VTI1A: variants seen among roughly 807,000 people sequenced by gnomAD.
The protein encoded by VTI1A is vesicle transport through interaction with t-SNAREs 1A.
In VTI1A, 22 loss-of-function variants were observed where a neutral mutation model predicts 34.9. The observed-to-expected ratio is 0.63, with a 90% CI of 0.45 to 0.90. VTI1A has a LOEUF of 0.90. VTI1A is among the 40% of genes least tolerant of loss of function. The probability of loss-of-function intolerance (pLI) is 0.00; values close to 1 mark genes in which losing one functional copy is unlikely to be tolerated. For missense variants in VTI1A, 268 were observed against 275.6 expected, an observed-to-expected ratio of 0.97 and a Z score of 0.20; for synonymous variants, 87 against 97.3, an observed-to-expected ratio of 0.89 and a Z score of 0.62.
At chr10:112,526,420 A>G (rs1222877174) in intron 3 of VTI1A, among the ~76,000 whole-genome samples, 1 of 152,154 alleles carries the variant, frequency 6.6e-6, no homozygotes, top group Non-Finnish European at 1.5e-5. Context: ...TTTACCAGAC[A>G]CACACATGTA....
At chr10:112,700,677 T>C (rs1848979597) in intron 7 of VTI1A, among the ~76,000 whole-genome samples, 1 of 152,182 alleles carries the variant, frequency 6.6e-6, no homozygotes, top group African/African-American at 2.4e-5. Flanking sequence ...AGACAAACCA[T>C]AGCTATTGTA....
At chr10:112,539,520 G>T (rs572778274) in intron 5 of VTI1A, among the ~76,000 whole-genome samples, 19 of 152,292 alleles carry the variant, frequency 1.2e-4, no homozygotes, top group African/African-American at 4.1e-4. Flanking sequence ...TTGGCTTTCT[G>T]CCCGGATTGG....
intron 7 of VTI1A, among the ~76,000 whole-genome samples, chr10:112,796,578 A>G (rs996902730): frequency 6.6e-6 from 1 of 152,076 alleles, no homozygotes; most frequent in Admixed American, 6.5e-5. Flanking sequence ...CTCTCATATA[A>G]AAGAGGTTCT....
At chr10:112,669,079 T>C (rs981736815) in intron 7 of VTI1A, 81 bp downstream of exon 7, 1 of 1,512,344 alleles carries the variant, frequency 6.6e-7, no homozygotes, top group East Asian at 2.3e-5. Context: ...CAATGGGGCA[T>C]ATTACATGCT....
intron 5 of VTI1A, among the ~76,000 whole-genome samples, chr10:112,662,085 T>C (rs1275825933): frequency 6.6e-6 from 1 of 152,234 alleles, no homozygotes; most frequent in African/African-American, 2.4e-5. Flanking sequence ...ATTTTAAATT[T>C]ATCTTTAGTT....
chr10:112,487,405 T>C (rs1589820978), intron 3 of VTI1A, among the ~76,000 whole-genome samples: 1 of 152,196 alleles, frequency 6.6e-6, no homozygotes, highest in East Asian at 1.9e-4. Flanking sequence ...CTTACAGGTG[T>C]GAGCCACCGT....
chr10:112,642,977 CTTTT>C (rs58619611), intron 5 of VTI1A, among the ~76,000 whole-genome samples: 4 of 121,012 alleles, frequency 3.3e-5, no homozygotes, highest in African/African-American at 1.3e-4. Flanking sequence ...TTTTTCTTTT[CTTTT>C]TTTTTTTTTT....
intron 5 of VTI1A, among the ~76,000 whole-genome samples, chr10:112,597,693 C>CTTTTTTTT (rs1180451909): frequency 3.2e-4 from 29 of 90,632 alleles, no homozygotes; most frequent in African/African-American, 7.8e-4. Context: ...GACCTTGTCT[C>CTTTTTTTT]TTTTTTTTTT....
At chr10:112,452,750 T>A (rs1004069810) in intron 1 of VTI1A, among the ~76,000 whole-genome samples, 11 of 151,532 alleles carry the variant, frequency 7.3e-5, no homozygotes, top group Non-Finnish European at 1.0e-4. Flanking sequence ...TTTTTTTTTT[T>A]AAATAAACTT....
intron 5 of VTI1A, among the ~76,000 whole-genome samples, chr10:112,634,478 G>A (rs1282701753): frequency 1.4e-5 from 2 of 143,978 alleles, no homozygotes; most frequent in East Asian, 2.1e-4. Context: ...ATTGCCTCTC[G>A]GTGGTTATAC....
At chr10:112,460,639 C>A in intron 2 of VTI1A, 57 bp downstream of exon 2, 1 of 1,385,786 alleles carries the variant, frequency 7.2e-7, no homozygotes, top group Non-Finnish European at 9.8e-7. Flanking sequence ...AAGCTAATGT[C>A]TTCCTCTAGC....
intron 3 of VTI1A, among the ~76,000 whole-genome samples, chr10:112,471,454 T>C (rs1848078647): frequency 6.6e-6 from 1 of 151,012 alleles, no homozygotes; most frequent in Non-Finnish European, 1.5e-5. Flanking sequence ...GTTAGGAATA[T>C]TAGGTTCAGA....
At chr10:112,703,624 T>C (rs143559281) in intron 7 of VTI1A, among the ~76,000 whole-genome samples, 5 of 152,150 alleles carry the variant, frequency 3.3e-5, no homozygotes, top group Non-Finnish European at 7.3e-5. Flanking sequence ...TAATCTACAG[T>C]ATATGATTGT....
intron 5 of VTI1A, among the ~76,000 whole-genome samples, chr10:112,624,424 G>A (rs149539801): frequency 0.034 from 5,234 of 152,084 alleles, 106 homozygotes; most frequent in Non-Finnish European, 0.042. Context: ...ACCTGGGAGG[G>A]CTTTTTAATA....
intron 5 of VTI1A, among the ~76,000 whole-genome samples, chr10:112,600,411 T>C (rs1051329739): frequency 1.3e-5 from 2 of 152,158 alleles, no homozygotes; most frequent in Non-Finnish European, 2.9e-5. Flanking sequence ...TGACCACTTA[T>C]CCTCCAACCG....
rs1852211252 is a variant in VTI1A, at chr10:112,573,350, T to C, written c.427+35020T>C. 2.0e-5 allele frequency among the ~76,000 whole-genome samples: 3 copies of C among 152,174 alleles called. No homozygotes were observed. In the South Asian group the frequency reaches 6.2e-4, roughly 32 times the overall value. ...CTCTTTATTGTCCCGTTTTCCTGTC[T>C]AGTACCCTGCACTTAAATGTTCTGC... On this transcript the variant is annotated intron_variant, in intron 5 of 7. Transcript: ENST00000393077.
At chr10:112,668,331 A>C (rs769109017) in intron 6 of VTI1A, 43 bp downstream of exon 6, 1 of 1,591,922 alleles carries the variant, frequency 6.3e-7, no homozygotes, top group South Asian at 1.1e-5. Flanking sequence ...TCAGTAAATG[A>C]AGACATAAAT....
At chr10:112,837,089 G>A in the VTI1A span, among the ~76,000 whole-genome samples, 1,289 of 152,282 alleles carry the variant, frequency 8.5e-3, 19 homozygotes, top group African/African-American at 0.029. Flanking sequence ...TTGGGAGACC[G>A]AGGCAGGCGG....
At chr10:112,799,878 C>A (rs1044044193) in intron 7 of VTI1A, among the ~76,000 whole-genome samples, 8 of 152,152 alleles carry the variant, frequency 5.3e-5, no homozygotes, top group Non-Finnish European at 7.3e-5. Flanking sequence ...GGGCACCCCT[C>A]CACCTGGGCT....
Sources: allele counts gnomAD v4.1 joint callset (sites outside exome capture counted in the v4.1 genomes callset), GRCh38; gene constraint gnomAD v4.1.1; transcripts MANE v1.5; gene names NCBI Gene and HGNC (gene_info 2026-07-23, HGNC 2026-07-21).